Variants in DMD observed in about 807,000 individuals in gnomAD.
DMD encodes the protein dystrophin, also known as mutant dystrophin.
Under a neutral mutation model 330.1 loss-of-function variants are expected in DMD, and 63 were observed. That is an observed-to-expected ratio of 0.19 (90% CI 0.16 to 0.24). DMD has a LOEUF of 0.24. Among genes scored for constraint, DMD ranks in the 10% least tolerant of loss-of-function variants. DMD has a pLI of 1.00. For missense variants in DMD, 3,344 were observed against 2,684.1 expected (o/e 1.25, Z -5.43); for synonymous variants, 1,223 against 959.8 (o/e 1.27, Z -5.07).
At chrX:32,089,075 T>C (rs955911794) in intron 44 of DMD, among the ~76,000 whole-genome samples, 3 of 111,572 alleles carry the variant, frequency 2.7e-5, no homozygotes, top group African/African-American at 6.5e-5. Context: ...AATTGATGTG[T>C]AGTAAAATCC....
intron 44 of DMD, among the ~76,000 whole-genome samples, chrX:32,154,856 A>G (rs1326791101): frequency 1.4e-5 from 1 of 70,914 alleles, no homozygotes; most frequent in Admixed American, 2.2e-4. Flanking sequence ...ACAAGCTTTG[A>G]AAAAAAAAAA....
At chrX:31,688,989 T>C (rs1423964493) in intron 52 of DMD, among the ~76,000 whole-genome samples, 1 of 111,744 alleles carries the variant, frequency 8.9e-6, no homozygotes, top group South Asian at 3.7e-4. Flanking sequence ...AAGAGCTATT[T>C]ATGACAAACC....
intron 55 of DMD, among the ~76,000 whole-genome samples, chrX:31,540,200 T>C (rs945696912): frequency 1.2e-4 from 13 of 112,297 alleles, no homozygotes; most frequent in Admixed American, 1.9e-4. Context: ...TGAATCTCAA[T>C]AGATACTAGT....
chrX:33,122,157 G>A (rs947109042), intron 1 of DMD, among the ~76,000 whole-genome samples: 1 of 111,964 alleles, frequency 8.9e-6, no homozygotes, highest in Non-Finnish European at 1.9e-5. Context: ...GCCTGGAGGT[G>A]GAGGTTGCAG....
intron 43 of DMD, among the ~76,000 whole-genome samples, chrX:32,279,219 T>A (rs1458914301): frequency 9.0e-6 from 1 of 111,568 alleles, no homozygotes; most frequent in Non-Finnish European, 1.9e-5. Flanking sequence ...GGCAGGAATG[T>A]AAATTAGTAC....
chrX:31,962,117 T>A (rs1323431608), intron 45 of DMD, among the ~76,000 whole-genome samples: 2 of 111,302 alleles, frequency 1.8e-5, no homozygotes, highest in Admixed American at 9.6e-5. Flanking sequence ...TTTATCAGTC[T>A]GTGCCTTCGT....
intron 7 of DMD, among the ~76,000 whole-genome samples, chrX:32,795,007 G>A (rs925393693): frequency 8.9e-6 from 1 of 112,058 alleles, no homozygotes; most frequent in Non-Finnish European, 1.9e-5. Context: ...AAATTGAAGA[G>A]TACACCAACA....
At chrX:31,626,344 A>C (rs2078845987) in intron 55 of DMD, among the ~76,000 whole-genome samples, 1 of 111,768 alleles carries the variant, frequency 8.9e-6, no homozygotes, top group Admixed American at 9.6e-5. Flanking sequence ...ATAATATTTT[A>C]TAATAAAATT....
intron 59 of DMD, among the ~76,000 whole-genome samples, chrX:31,459,677 G>T (rs1421878228): frequency 1.8e-5 from 2 of 111,919 alleles, no homozygotes; most frequent in Non-Finnish European, 3.8e-5. Context: ...TTCCTTAAAA[G>T]AAAATAGAAA....
intron 2 of DMD, among the ~76,000 whole-genome samples, chrX:32,939,678 T>A (rs2090268463): frequency 9.0e-6 from 1 of 111,501 alleles, no homozygotes; most frequent in African/African-American, 3.2e-5. Flanking sequence ...CATATATCCA[T>A]CTAAAAATAG....
At chrX:31,419,507 C>T (rs2063251364) in intron 60 of DMD, among the ~76,000 whole-genome samples, 1 of 110,732 alleles carries the variant, frequency 9.0e-6, no homozygotes, top group Non-Finnish European at 1.9e-5. Flanking sequence ...GTTATACTCT[C>T]TCAGCACTCT....
intron 2 of DMD, among the ~76,000 whole-genome samples, chrX:32,958,960 TG>T (rs747025303): frequency 2.1e-4 from 23 of 108,871 alleles, no homozygotes; most frequent in East Asian, 8.8e-4. Context: ...AGGAATTTTT[TG>T]GGGGGGGATG....
At chrX:31,643,433 T>G (rs780574116) in intron 54 of DMD, among the ~76,000 whole-genome samples, 28 of 111,833 alleles carry the variant, frequency 2.5e-4, no homozygotes, top group Non-Finnish European at 4.9e-4. Flanking sequence ...CATCTAATCA[T>G]GTCTTTCCTG....
At chrX:31,589,095 A>T (rs1282131867) in intron 55 of DMD, among the ~76,000 whole-genome samples, 1 of 87,478 alleles carries the variant, frequency 1.1e-5, no homozygotes, top group African/African-American at 4.7e-5. Context: ...ATTGTCATGC[A>T]AGTAAAAAAA....
At chrX:31,888,809 A>C (rs950707469) in intron 47 of DMD, among the ~76,000 whole-genome samples, 1 of 112,513 alleles carries the variant, frequency 8.9e-6, no homozygotes, top group Non-Finnish European at 1.9e-5. Context: ...CTATAAATCC[A>C]TATACAATGT....
At chrX:31,560,896 G>A (rs1329578580) in intron 55 of DMD, among the ~76,000 whole-genome samples, 1 of 111,975 alleles carries the variant, frequency 8.9e-6, no homozygotes, top group African/African-American at 3.2e-5. Context: ...CACTCTTTAT[G>A]TTATCAGTAT....
chrX:32,212,217 T>G (rs1169812383), intron 44 of DMD, among the ~76,000 whole-genome samples: 1 of 112,092 alleles, frequency 8.9e-6, no homozygotes, highest in Non-Finnish European at 1.9e-5. Flanking sequence ...TTTCCTCAAT[T>G]CCTAATCCAA....
At position 31,479,019 on chromosome X, in the gene DMD, A is replaced by T. The variant is rs1282245736; in HGVS notation, c.8632T>A (p.Leu2878Met). The T allele has an allele frequency of 8.3e-7, 1 of 1,209,963 alleles. No individual in the cohort carries two copies. Among genetic ancestry groups the T allele is most frequent in the East Asian group, 3.0e-5 (1 of 33,810 alleles). ...TGGTAGAGTTTCTCTAGTCCTTCCAAAGGCTGCTCTGTCAGAAATATTCGT... is the reference window on the plus strand; with the variant it reads ...TGGTAGAGTTTCTCTAGTCCTTCCATAGGCTGCTCTGTCAGAAATATTCGT... ...TVRIFLTEQP[L>M]EGLEKLYQEP... is the part of the protein sequence containing the mutation. Residue 2878 changes from leucine (L) to methionine (M), a missense_variant, in exon 58 of 79, where the codon TTG becomes ATG. Coordinates refer to ENST00000357033, the MANE Select transcript of DMD (RefSeq NM_004006.3).
intron 7 of DMD, among the ~76,000 whole-genome samples, chrX:32,786,667 C>A (rs1488961235): frequency 9.0e-6 from 1 of 111,560 alleles, no homozygotes; most frequent in African/African-American, 3.3e-5. Flanking sequence ...ACCCAATTAG[C>A]CCTGTAATAA....
Sources: allele counts gnomAD v4.1 joint callset (sites outside exome capture counted in the v4.1 genomes callset), GRCh38; gene constraint gnomAD v4.1.1; transcripts MANE v1.5; gene names NCBI Gene and HGNC (gene_info 2026-07-23, HGNC 2026-07-21).